Variants in TBXAS1 observed in about 807,000 individuals in gnomAD.
TBXAS1 encodes thromboxane-A synthase.
A neutral mutation model predicts 60.7 loss-of-function variants in TBXAS1; 48 were observed. The observed-to-expected ratio is 0.79, with a 90% CI of 0.63 to 1.01. The LOEUF (loss-of-function observed/expected upper bound fraction) is 1.01, where lower values mean the gene tolerates loss of function less well. Among genes scored for constraint, TBXAS1 ranks in the 50% least tolerant of loss-of-function variants. TBXAS1 has a pLI of 0.00. For synonymous variants in TBXAS1, 287 were observed against 269.7 expected (o/e 1.06, Z -0.63); for missense variants, 685 against 686.3 (o/e 1.00, Z 0.02).
At chr7:140,005,203 C>T (rs1163789194) in intron 9 of TBXAS1, among the ~76,000 whole-genome samples, 4 of 152,154 alleles carry the variant, frequency 2.6e-5, no homozygotes, top group African/African-American at 4.8e-5. Context: ...CCGAGGCAGG[C>T]GGATCACTTG....
chr7:140,013,396 G>T lies in TBXAS1; in HGVS notation c.1227-2327G>T, dbSNP rs1232330650. ...GGTGGTCTCGATGCTCACTCCAAGA[G>T]TTGAGTTGTGTGGCTCCAGGTAGAC... On this transcript the variant is annotated intron_variant, in intron 10 of 12. Coordinates refer to ENST00000448866, the MANE Select transcript of TBXAS1 (RefSeq NM_001061.7). This position sits in a 1 kb window ranked among gnomAD's most constrained non-coding sequence, Gnocchi z 4.2. Among the ~76,000 whole-genome samples, 2 of 152,230 alleles carry T rather than the reference G, an allele frequency of 1.3e-5. No homozygotes were observed. Among genetic ancestry groups the T allele is most frequent in the African/African-American group, 4.8e-5 (2 of 41,454 alleles).
At chr7:139,829,227 G>A (rs1798543024), upstream of TBXAS1, 2 of 712,682 alleles carry the variant, frequency 2.8e-6, no homozygotes, top group South Asian at 1.5e-5. Context: ...CCTCTTTATA[G>A]GGAGACACTC....
In TBXAS1 at chr7:139,951,917, G is replaced by GAAAGAA. The variant is rs1268224246; in HGVS notation, c.451-1450_451-1449insAAGAAA. Among the ~76,000 whole-genome samples, 10 of 109,954 alleles carry GAAAGAA rather than the reference G, an allele frequency of 9.1e-5. 1 individual carries two copies. The highest frequency in any genetic ancestry group is 3.5e-4 in the African/African-American group (10 of 28,380). The allele number at this position is 109,954 out of a possible 152,430, so 72.1% of individuals were successfully genotyped here. On this transcript the variant is annotated intron_variant, in intron 5 of 12. Coordinates refer to ENST00000448866, the MANE Select transcript of TBXAS1 (RefSeq NM_001061.7). ...AAGGAAGGAAAGAAAGAGAAAGAAA[G>GAAAGAA]AGAGAAAGAAAGAGAGAAAGAAGGA...
rs185184042 is a variant in TBXAS1 at position 140,004,271 on chromosome 7, G to A, written c.1135-2820G>A. On this transcript the variant is annotated intron_variant, in intron 9 of 12. Transcript: ENST00000448866. This position sits in a 1 kb window ranked among gnomAD's most constrained non-coding sequence, Gnocchi z 5.1. ...CCCAAAGCAGGGGGACGTGTCCATCGTGGTACTCAGCGAGCTTCTTTGTTT... is the reference window on the plus strand; with the variant it reads ...CCCAAAGCAGGGGGACGTGTCCATCATGGTACTCAGCGAGCTTCTTTGTTT... Among the ~76,000 whole-genome samples, 2 of 152,304 alleles carry A rather than the reference G, an allele frequency of 1.3e-5. No homozygotes were observed. The highest frequency in any genetic ancestry group is 2.9e-5 in the Non-Finnish European group (2 of 68,030).
At chr7:139,938,236 G>C (rs1277867559) in intron 5 of TBXAS1, among the ~76,000 whole-genome samples, 1 of 152,154 alleles carries the variant, frequency 6.6e-6, no homozygotes, top group African/African-American at 2.4e-5. Context: ...GAGTGACTTA[G>C]ATGCAGCGGT....
chr7:139,819,315 A>C (rs1378779559), intron 4 of TBXAS1, among the ~76,000 whole-genome samples: 1 of 152,172 alleles, frequency 6.6e-6, no homozygotes, highest in Admixed American at 6.5e-5. Context: ...CCAGTGGACG[A>C]CAGGGTTACA....
intron 1 of TBXAS1, among the ~76,000 whole-genome samples, chr7:139,850,928 C>T (rs1800172555): frequency 1.3e-5 from 2 of 152,140 alleles, no homozygotes; most frequent in Admixed American, 1.3e-4. Context: ...GATGTCTTGA[C>T]CTCAGAATTC....
chr7:140,020,124 AG>A lies in TBXAS1; in HGVS notation c.*28del. 6.5e-7 allele frequency: 1 copy of A among 1,535,130 alleles called. No homozygotes were observed. The highest frequency in any genetic ancestry group is 9.0e-7 in the Non-Finnish European group (1 of 1,109,386). On this transcript the variant is annotated 3_prime_UTR_variant, in exon 13 of 13. Transcript: ENST00000448866. ...ACACAGAAGGCTGCCGGGTGGGGGGAGGGCACCCCCAAATTCAAAGAAAACC... is the reference window on the plus strand; with the variant it reads ...ACACAGAAGGCTGCCGGGTGGGGGGAGGCACCCCCAAATTCAAAGAAAACC...
chr7:139,835,136 G>A (rs1041903349), intron 1 of TBXAS1, among the ~76,000 whole-genome samples: 4 of 150,558 alleles, frequency 2.7e-5, no homozygotes, highest in Non-Finnish European at 4.4e-5. Flanking sequence ...GCGCGATCTC[G>A]GCTCACTGCA....
chr7:139,938,126 G>A (rs1807952674), intron 5 of TBXAS1, among the ~76,000 whole-genome samples: 2 of 152,174 alleles, frequency 1.3e-5, no homozygotes, highest in African/African-American at 4.8e-5. Flanking sequence ...GACAATTGCA[G>A]GGGGGTGGCA....
chr7:140,013,557 G>A lies in TBXAS1; in HGVS notation c.1227-2166G>A, dbSNP rs865945312. Among the ~76,000 whole-genome samples the A allele has an allele frequency of 6.6e-6, 1 of 152,176 alleles. No homozygotes were observed. Among genetic ancestry groups the A allele is most frequent in the African/African-American group, 2.4e-5 (1 of 41,448 alleles). On this transcript the variant is annotated intron_variant, in intron 10 of 12. Coordinates refer to ENST00000448866, the MANE Select transcript of TBXAS1 (RefSeq NM_001061.7). The surrounding 1 kb of genome is among the most constrained non-coding windows in gnomAD (Gnocchi z 4.2). ...TCACGGGTGTTGGTTGTAAGAAACT[G>A]GTGGGGTAAGGAAGCTAGAACTCTC...
intron 9 of TBXAS1, among the ~76,000 whole-genome samples, chr7:140,002,496 C>T (rs1455821800): frequency 1.3e-5 from 2 of 152,160 alleles, no homozygotes; most frequent in Non-Finnish European, 2.9e-5. Context: ...TGCTCAGGAC[C>T]GTTCTGTCCC....
rs73734129 is a variant in TBXAS1, at chr7:139,867,085, C to T, written c.90-5150C>T. ...TGCTGGCAAAGCCCATGAGGGCATG[C>T]GTGTTGAAACCATAGAGTAACCATG... On this transcript the variant is annotated intron_variant, in intron 1 of 12. Transcript: ENST00000448866. 7.6e-3 allele frequency among the ~76,000 whole-genome samples: 1,154 copies of T among 152,342 alleles called. 19 individuals are homozygous for T. Among genetic ancestry groups the T allele is most frequent in the African/African-American group, 0.026 (1,092 of 41,572 alleles).
chr7:139,792,118 T>C (rs1012850916), intron 4 of TBXAS1, among the ~76,000 whole-genome samples: 4 of 152,230 alleles, frequency 2.6e-5, no homozygotes, highest in African/African-American at 9.6e-5. Flanking sequence ...GTGCATATCA[T>C]ATCATGCACA....
At chr7:139,836,974 C>G (rs566572151) in intron 1 of TBXAS1, among the ~76,000 whole-genome samples, 3 of 152,168 alleles carry the variant, frequency 2.0e-5, no homozygotes, top group African/African-American at 7.2e-5. Context: ...AAGAAAAAAA[C>G]AATCCCATCA....
Position 139,954,074 on chromosome 7 carries a change from C to A in TBXAS1, c.539+618C>A, listed in dbSNP as rs867763281. On this transcript the variant is annotated intron_variant, in intron 6 of 12. Transcript: ENST00000448866. ...TACTGTATTTTATGTGTGGCCAAGA[C>A]AATTCTCCTGCTTCCAACGTGGCCC... is the stretch of plus-strand genomic sequence containing the variant. Among the ~76,000 whole-genome samples the A allele has an allele frequency of 4.6e-5, 7 of 152,076 alleles. No individual in the cohort carries two copies. The South Asian group carries it at 1.5e-3, about 32-fold the overall frequency.
chr7:139,949,816 G>A (rs780822879), intron 5 of TBXAS1, among the ~76,000 whole-genome samples: 1 of 152,126 alleles, frequency 6.6e-6, no homozygotes, highest in South Asian at 2.1e-4. Context: ...GCGGTGCCTG[G>A]CTGAGTATTT....
At chr7:140,009,518 G>A (rs1476945718) in intron 10 of TBXAS1, among the ~76,000 whole-genome samples, 2 of 151,908 alleles carry the variant, frequency 1.3e-5, no homozygotes, top group African/African-American at 2.4e-5. Context: ...GGAATGGACA[G>A]CTTCCATCCA....
At chr7:139,875,860 G>C (rs1201017845) in intron 3 of TBXAS1, 5 of 592,148 alleles carry the variant, frequency 8.4e-6, no homozygotes, top group Non-Finnish European at 1.5e-5. Flanking sequence ...TGGCCTGAAA[G>C]AGTACCACTT....
Sources: gnomAD v4.1 joint callset for allele counts (sites outside exome capture counted in the v4.1 genomes callset) on GRCh38, gnomAD v4.1.1 for gene constraint, Gnocchi (gnomAD v3.1) non-coding constraint, MANE v1.5 for transcripts, NCBI Gene and HGNC (gene_info 2026-07-23, HGNC 2026-07-21) for gene names.